TAFA4: variants seen among roughly 807,000 people sequenced by gnomAD.
TAFA4 encodes the protein TAFA chemokine like family member 4, also known as chemokine-like protein TAFA-4.
TAFA4 carries 20 observed loss-of-function variants against 21.1 expected under a neutral mutation model. That is an observed-to-expected ratio of 0.95 (90% CI 0.67 to 1.38). The LOEUF is 1.38. TAFA4 is among the 40% of genes most tolerant of loss of function. The pLI, the probability that TAFA4 is intolerant of heterozygous loss-of-function variation, is 0.00. For missense variants in TAFA4, 211 were observed against 180.9 expected (o/e 1.17, Z -0.95); for synonymous variants, 71 against 67.4 (o/e 1.05, Z -0.26).
At chr3:68,895,827 A>T (rs1446770086) in intron 1 of TAFA4, among the ~76,000 whole-genome samples, 2 of 152,186 alleles carry the variant, frequency 1.3e-5, no homozygotes, top group Admixed American at 6.5e-5. Context: ...ACAAGCATAA[A>T]TAAGGTTAAC....
At chr3:68,779,482 A>G (rs1367614882) in intron 3 of TAFA4, among the ~76,000 whole-genome samples, 3 of 152,132 alleles carry the variant, frequency 2.0e-5, no homozygotes, top group Non-Finnish European at 4.4e-5. Context: ...AAATGGTTTC[A>G]TGAGCTGGGC....
At chr3:68,874,417 C>T (rs749538700) in intron 3 of TAFA4, among the ~76,000 whole-genome samples, 4 of 152,064 alleles carry the variant, frequency 2.6e-5, no homozygotes, top group African/African-American at 9.7e-5. Flanking sequence ...CCGTCTCTAC[C>T]CCTGCTGTTT....
chr3:68,784,113 G>T (rs7648643), intron 3 of TAFA4, among the ~76,000 whole-genome samples: 41,911 of 152,154 alleles, frequency 0.28, 7,163 homozygotes, highest in Non-Finnish European at 0.39. Flanking sequence ...CATATGAAAA[G>T]ATGCTCAACC....
intron 3 of TAFA4, among the ~76,000 whole-genome samples, chr3:68,789,996 A>G (rs1703332621): frequency 6.6e-6 from 1 of 152,246 alleles, no homozygotes; most frequent in Non-Finnish European, 1.5e-5. Context: ...ATGAAGGAAG[A>G]ACAACAAAAA....
At chr3:68,847,015 C>G (rs1422828571) in intron 3 of TAFA4, among the ~76,000 whole-genome samples, 1 of 152,192 alleles carries the variant, frequency 6.6e-6, no homozygotes, top group Non-Finnish European at 1.5e-5. Context: ...GTTGAGGAGG[C>G]AGTCTGTTCC....
chr3:68,905,314 C>T (rs1012228121), intron 1 of TAFA4, among the ~76,000 whole-genome samples: 5 of 151,914 alleles, frequency 3.3e-5, no homozygotes, highest in African/African-American at 1.2e-4. Context: ...GAACTACTGG[C>T]GCTTGCCACT....
intron 1 of TAFA4, among the ~76,000 whole-genome samples, chr3:68,917,408 A>C (rs1426899243): frequency 1.3e-5 from 2 of 152,158 alleles, no homozygotes; most frequent in East Asian, 3.9e-4. Context: ...ATCCAAGCTC[A>C]AAGCAGAATC....
chr3:68,748,460 G>A (rs959756028), intron 4 of TAFA4, among the ~76,000 whole-genome samples: 1 of 152,148 alleles, frequency 6.6e-6, no homozygotes, highest in African/African-American at 2.4e-5. Flanking sequence ...TTGAAAAAGT[G>A]GGCCGGGTGC....
intron 3 of TAFA4, among the ~76,000 whole-genome samples, chr3:68,822,535 A>G (rs1459268163): frequency 6.6e-6 from 1 of 152,112 alleles, no homozygotes; most frequent in Non-Finnish European, 1.5e-5. Flanking sequence ...CAGGGGTGCA[A>G]TCATAGCTCA....
At chr3:68,854,876 C>G (rs1298146391) in intron 3 of TAFA4, among the ~76,000 whole-genome samples, 1 of 152,102 alleles carries the variant, frequency 6.6e-6, no homozygotes, top group Non-Finnish European at 1.5e-5. Flanking sequence ...TTACCGAGCT[C>G]TCCAAAAATC....
At chr3:68,736,937 G>C (rs778682346) in intron 5 of TAFA4, among the ~76,000 whole-genome samples, 2 of 151,992 alleles carry the variant, frequency 1.3e-5, no homozygotes, top group South Asian at 2.1e-4. Context: ...ACAACTTTTC[G>C]AAGTGCTAAA....
intron 3 of TAFA4, among the ~76,000 whole-genome samples, chr3:68,877,125 G>A (rs1287477856): frequency 2.6e-5 from 4 of 152,048 alleles, no homozygotes; most frequent in South Asian, 4.2e-4. Context: ...TTGGGAGGCC[G>A]AGGTGGGTGG....
intron 1 of TAFA4, among the ~76,000 whole-genome samples, chr3:68,926,266 A>G (rs1366299855): frequency 6.6e-6 from 1 of 152,124 alleles, no homozygotes; most frequent in Non-Finnish European, 1.5e-5. Flanking sequence ...ATGTGAATAA[A>G]AGCAGCAGGA....
At chr3:68,866,805 G>C (rs1008178240) in intron 3 of TAFA4, among the ~76,000 whole-genome samples, 3 of 151,246 alleles carry the variant, frequency 2.0e-5, no homozygotes, top group African/African-American at 7.3e-5. Flanking sequence ...GTTCTCAATA[G>C]CAGAATGAAT....
At chr3:68,767,140 G>T (rs974712401) in intron 3 of TAFA4, among the ~76,000 whole-genome samples, 6 of 152,118 alleles carry the variant, frequency 3.9e-5, no homozygotes, top group Non-Finnish European at 8.8e-5. Context: ...TGAAGTCTAA[G>T]ATTTTAGTGC....
At chr3:68,865,705 C>T (rs1164093407) in intron 3 of TAFA4, among the ~76,000 whole-genome samples, 1 of 152,072 alleles carries the variant, frequency 6.6e-6, no homozygotes, top group Non-Finnish European at 1.5e-5. Context: ...TATACATAGA[C>T]ATAATCATAG....
chr3:68,753,091 T>C (rs2106753295), intron 3 of TAFA4, 73 bp from the exon 4 acceptor site: 5 of 1,418,012 alleles, frequency 3.5e-6, no homozygotes, highest in Middle Eastern at 1.9e-4. Flanking sequence ...ACCAAAATGA[T>C]GCTATGATGA....
chr3:68,862,464 A>G (rs2089357279), intron 3 of TAFA4, among the ~76,000 whole-genome samples: 1 of 152,154 alleles, frequency 6.6e-6, no homozygotes, highest in Non-Finnish European at 1.5e-5. Context: ...GGTTCTCACA[A>G]GGATGTCTCT....
intron 3 of TAFA4, among the ~76,000 whole-genome samples, chr3:68,805,519 G>A (rs574122210): frequency 1.6e-4 from 24 of 152,124 alleles, no homozygotes; most frequent in African/African-American, 2.7e-4. Flanking sequence ...TGTTTATTGC[G>A]GCACTATTCA....
Sources: allele counts gnomAD v4.1 joint callset (sites outside exome capture counted in the v4.1 genomes callset), GRCh38; gene constraint gnomAD v4.1.1; transcripts MANE v1.5; gene names NCBI Gene and HGNC (gene_info 2026-07-23, HGNC 2026-07-21).